Variants in NRXN3 observed in about 807,000 individuals in gnomAD.
The protein encoded by NRXN3 is neurexin 3, also known as neurexin III.
NRXN3 carries 32 observed loss-of-function variants against 137.6 expected under a neutral mutation model. The ratio of observed to expected loss-of-function variants is 0.23; its 90% confidence interval spans 0.18 to 0.31. The LOEUF (loss-of-function observed/expected upper bound fraction) is 0.31, where lower values mean the gene tolerates loss of function less well. Ranked by LOEUF, NRXN3 falls within the 10% of genes least tolerant of loss-of-function variation. The pLI, the probability that NRXN3 is intolerant of heterozygous loss-of-function variation, is 1.00. For missense variants in NRXN3, 1,574 were observed against 2,062.5 expected, an observed-to-expected ratio of 0.76 and a Z score of 4.59; for synonymous variants, 798 against 784.5, an observed-to-expected ratio of 1.02 and a Z score of -0.29.
intron 4 of NRXN3, among the ~76,000 whole-genome samples, chr14:78,332,202 CA>C (rs565294259): frequency 1.3e-3 from 192 of 152,268 alleles, no homozygotes; most frequent in Non-Finnish European, 1.9e-3. Flanking sequence ...TGGCATAAGG[CA>C]AACCCTCGAT....
chr14:78,526,009 G>A (rs1473748767), intron 4 of NRXN3, among the ~76,000 whole-genome samples: 2 of 152,200 alleles, frequency 1.3e-5, no homozygotes, highest in Admixed American at 6.5e-5. Flanking sequence ...CTTACTTCAT[G>A]GCTTTCCTCA....
intron 19 of NRXN3, among the ~76,000 whole-genome samples, chr14:79,719,973 A>G (rs2098838480): frequency 6.6e-6 from 1 of 152,084 alleles, no homozygotes; most frequent in Non-Finnish European, 1.5e-5. Context: ...TGTCCACTTT[A>G]TCTACCTGGA....
At chr14:78,559,583 A>G (rs887414837) in intron 4 of NRXN3, among the ~76,000 whole-genome samples, 1 of 152,358 alleles carries the variant, frequency 6.6e-6, no homozygotes, top group Non-Finnish European at 1.5e-5. Flanking sequence ...GCTTTCCAGA[A>G]GGGCTGTACC....
chr14:78,574,013 G>A (rs1464132417), intron 4 of NRXN3, among the ~76,000 whole-genome samples: 1 of 152,232 alleles, frequency 6.6e-6, no homozygotes, highest in Non-Finnish European at 1.5e-5. Flanking sequence ...CTGCATCCCA[G>A]CTGTGGCTAA....
intron 4 of NRXN3, among the ~76,000 whole-genome samples, chr14:78,368,227 CAG>C (rs980947787): frequency 6.6e-6 from 1 of 152,118 alleles, no homozygotes; most frequent in African/African-American, 2.4e-5. Flanking sequence ...ATGTTTTACA[CAG>C]AGAAAAATTC....
intron 18 of NRXN3, among the ~76,000 whole-genome samples, chr14:79,696,307 TTTTA>T (rs1383906009): frequency 2.6e-5 from 4 of 151,940 alleles, no homozygotes; most frequent in African/African-American, 9.7e-5. Flanking sequence ...AAAACCCTCT[TTTTA>T]TTAAGTAGTC....
chr14:79,185,308 C>A (rs1244151801), intron 15 of NRXN3, among the ~76,000 whole-genome samples: 2 of 152,114 alleles, frequency 1.3e-5, no homozygotes, highest in East Asian at 3.9e-4. Flanking sequence ...TGGACACTTG[C>A]AGATTCATGA....
rs535121968 is a variant in NRXN3 at position 78,203,675 on chromosome 14, A to G, written c.-704+33001A>G. On this transcript the variant is annotated intron_variant, in intron 1 of 20. Coordinates refer to ENST00000335750, the MANE Select transcript of NRXN3 (RefSeq NM_001330195.2). ...TACCACTATTAATACATAGTACTTT[A>G]TGTGATACAAATGATAAACACTAAT... Among the ~76,000 whole-genome samples the G allele has an allele frequency of 7.2e-5, 11 of 152,336 alleles. No homozygotes were observed. In the East Asian group the frequency reaches 1.9e-3, roughly 27 times the overall value.
intron 15 of NRXN3, among the ~76,000 whole-genome samples, chr14:79,268,297 T>C (rs2078744870): frequency 6.6e-6 from 1 of 152,236 alleles, no homozygotes; most frequent in Non-Finnish European, 1.5e-5. Flanking sequence ...CTTCAGGATA[T>C]AACGATGTTT....
intron 10 of NRXN3, among the ~76,000 whole-genome samples, chr14:78,818,909 C>G (rs2098942488): frequency 6.6e-6 from 1 of 152,120 alleles, no homozygotes; most frequent in African/African-American, 2.4e-5. Flanking sequence ...TCTCTAAAAT[C>G]CAGATGAGTC....
At chr14:79,771,469 A>G (rs1355530290) in intron 19 of NRXN3, among the ~76,000 whole-genome samples, 1 of 151,990 alleles carries the variant, frequency 6.6e-6, no homozygotes, top group Admixed American at 6.6e-5. Flanking sequence ...GGCTGGTTCA[A>G]TATACGCAAA....
At chr14:79,017,551 CTA>C (rs2099581349) in intron 15 of NRXN3, among the ~76,000 whole-genome samples, 2 of 152,044 alleles carry the variant, frequency 1.3e-5, no homozygotes, top group African/African-American at 2.4e-5. Context: ...GAAAGTCACT[CTA>C]GACAAGAAAC....
intron 4 of NRXN3, among the ~76,000 whole-genome samples, chr14:78,388,932 AT>A (rs1387818789): frequency 2.0e-5 from 3 of 151,310 alleles, no homozygotes; most frequent in African/African-American, 7.3e-5. Flanking sequence ...ACTTATTTCT[AT>A]TTTTTTCTGT....
intron 5 of NRXN3, among the ~76,000 whole-genome samples, chr14:78,648,224 G>A (rs1323267676): frequency 1.3e-5 from 2 of 152,198 alleles, no homozygotes. Context: ...TGTGGTAGTG[G>A]GGTGGTAATT....
At chr14:78,219,160 G>GT (rs992058030) in intron 1 of NRXN3, among the ~76,000 whole-genome samples, 2 of 151,946 alleles carry the variant, frequency 1.3e-5, no homozygotes, top group South Asian at 2.1e-4. Context: ...TTGGTGGGAG[G>GT]GGGGATGCAG....
chr14:78,722,829 A>G (rs1194439375), intron 8 of NRXN3, among the ~76,000 whole-genome samples: 1 of 152,164 alleles, frequency 6.6e-6, no homozygotes, highest in Non-Finnish European at 1.5e-5. Context: ...TATCTGAGCA[A>G]TTGGGACATG....
chr14:78,536,428 C>T (rs537635285), intron 4 of NRXN3, among the ~76,000 whole-genome samples: 206 of 152,296 alleles, frequency 1.4e-3, no homozygotes, highest in Non-Finnish European at 2.4e-3. Flanking sequence ...CAAACTAAGG[C>T]ATGGGGCTAC....
intron 16 of NRXN3, among the ~76,000 whole-genome samples, chr14:79,654,722 G>A (rs940932715): frequency 6.6e-6 from 1 of 152,058 alleles, no homozygotes; most frequent in South Asian, 2.1e-4. Context: ...ATTCTGAAAT[G>A]TGTATATTAA....
At chr14:79,194,985 C>T (rs1246444328) in intron 15 of NRXN3, among the ~76,000 whole-genome samples, 4 of 151,582 alleles carry the variant, frequency 2.6e-5, no homozygotes, top group African/African-American at 9.7e-5. Context: ...GATATTTCTT[C>T]TCTGTTTTCC....
Sources: allele counts gnomAD v4.1 joint callset (sites outside exome capture counted in the v4.1 genomes callset), GRCh38; gene constraint gnomAD v4.1.1; transcripts MANE v1.5; gene names NCBI Gene and HGNC (gene_info 2026-07-23, HGNC 2026-07-21).